The following CDK5RAP2 variants were observed in gnomAD, a reference collection of about 807,000 sequenced individuals.
CDK5RAP2 encodes CDK5 regulatory subunit-associated protein 2.
Under a neutral mutation model 232.9 loss-of-function variants are expected in CDK5RAP2, and 147 were observed. The ratio of observed to expected loss-of-function variants is 0.63; its 90% CI spans 0.55 to 0.72. The LOEUF (loss-of-function observed/expected upper bound fraction) is 0.72, where lower values mean the gene tolerates loss of function less well. Among genes scored for constraint, CDK5RAP2 ranks in the 30% least tolerant of loss-of-function variants. The pLI is 0.00. For synonymous variants in CDK5RAP2, 833 were observed against 833.7 expected (o/e 1.00, Z 0.01); for missense variants, 2,195 against 2,231.5 (o/e 0.98, Z 0.33).
chr9:120,396,017 T>C (rs904222718), intron 35 of CDK5RAP2, among the ~76,000 whole-genome samples: 15 of 152,206 alleles, frequency 9.9e-5, no homozygotes, highest in African/African-American at 3.6e-4. Context: ...AAAGAAGATG[T>C]GAAACTCCAA....
chr9:120,521,374 C>T (rs2040644643), intron 11 of CDK5RAP2, among the ~76,000 whole-genome samples: 1 of 152,184 alleles, frequency 6.6e-6, no homozygotes, highest in Non-Finnish European at 1.5e-5. Flanking sequence ...ACCCCAATCT[C>T]ATCCTGAATT....
At chr9:120,473,344 G>A (rs763212500) in intron 15 of CDK5RAP2, among the ~76,000 whole-genome samples, 19 of 152,260 alleles carry the variant, frequency 1.2e-4, no homozygotes, top group African/African-American at 4.6e-4. Context: ...TGCAAAAAAT[G>A]AATGAATTTG....
intron 23 of CDK5RAP2, among the ~76,000 whole-genome samples, chr9:120,440,663 G>A (rs907004176): frequency 3.9e-5 from 6 of 152,170 alleles, no homozygotes; most frequent in Admixed American, 1.3e-4. Context: ...ATAGCAATTC[G>A]TCATCTGAAT....
At chr9:120,513,227 G>A (rs1263909247) in intron 12 of CDK5RAP2, among the ~76,000 whole-genome samples, 1 of 152,144 alleles carries the variant, frequency 6.6e-6, no homozygotes, top group African/African-American at 2.4e-5. Flanking sequence ...TACATGTTAA[G>A]GAAAAGCCTT....
chr9:120,416,103 G>A (rs1056011509), intron 27 of CDK5RAP2, among the ~76,000 whole-genome samples: 1 of 152,024 alleles, frequency 6.6e-6, no homozygotes, highest in Non-Finnish European at 1.5e-5. Context: ...CACATGTGAG[G>A]GTTTTTTCCC....
intron 12 of CDK5RAP2, among the ~76,000 whole-genome samples, chr9:120,496,916 A>G (rs1343639050): frequency 7.1e-6 from 1 of 141,030 alleles, no homozygotes; most frequent in Non-Finnish European, 1.5e-5. Context: ...GGTGTGCCCA[A>G]CAGCTCATTG....
intron 14 of CDK5RAP2, among the ~76,000 whole-genome samples, chr9:120,486,923 T>C (rs1000756094): frequency 5.3e-5 from 8 of 152,062 alleles, no homozygotes; most frequent in Admixed American, 2.0e-4. Flanking sequence ...GAAAATGAGA[T>C]TGGAAACTTG....
Position 120,453,646 on chromosome 9 carries a change from A to C in CDK5RAP2, c.2603T>G (p.Leu868Arg). The change falls in exon 21 of 38, where the codon CTG (leucine) becomes CGG (arginine). Residue 868 changes from leucine to arginine, a missense_variant. Leu to Arg is a moderately radical substitution (Grantham distance 102). Coordinates refer to ENST00000349780, the MANE Select transcript of CDK5RAP2 (RefSeq NM_018249.6). ...CACAGTCTGCACTGAGGCATCTTTC[A>C]GTCCTACCTTGGGCACTTCGCCTGC... ...VKAGEVPKVG[L>R]KDASVQTVAT... The C allele has an allele frequency of 6.8e-6, 11 of 1,614,200 alleles. No homozygotes were observed. Among genetic ancestry groups the C allele is most frequent in the Non-Finnish European group, 9.3e-6 (11 of 1,180,044 alleles).
intron 35 of CDK5RAP2, among the ~76,000 whole-genome samples, chr9:120,396,122 G>T (rs964579094): frequency 6.6e-6 from 1 of 152,228 alleles, no homozygotes. Flanking sequence ...AAACTAAAAT[G>T]TTTAAGGTAC....
At chr9:120,489,708 G>GA (rs1294019124) in intron 13 of CDK5RAP2, among the ~76,000 whole-genome samples, 1 of 151,898 alleles carries the variant, frequency 6.6e-6, no homozygotes, top group Non-Finnish European at 1.5e-5. Context: ...TTATAGCCCT[G>GA]AAATGTTTGG....
chr9:120,450,477 T>C (rs1254852114), intron 21 of CDK5RAP2, among the ~76,000 whole-genome samples: 1 of 152,204 alleles, frequency 6.6e-6, no homozygotes, highest in East Asian at 1.9e-4. Context: ...CACTGAATTG[T>C]ATACCTTAAA....
intron 18 of CDK5RAP2, among the ~76,000 whole-genome samples, chr9:120,467,368 G>A (rs924222471): frequency 2.6e-5 from 4 of 152,166 alleles, no homozygotes; most frequent in African/African-American, 9.7e-5. Context: ...GGCTGGACCA[G>A]AGTCAAAGCA....
rs2039298171 is a variant in CDK5RAP2, at chr9:120,496,828, A to C, written c.1312-5351T>G. Among the ~76,000 whole-genome samples the C allele has an allele frequency of 2.2e-5, 3 of 137,972 alleles. No homozygotes were observed. In the South Asian group the frequency reaches 6.7e-4, roughly 31 times the overall value. The allele number at this position is 137,972 out of a possible 152,430, so 90.5% of individuals were successfully genotyped here. The stretch of plus-strand genomic sequence containing the variant: ...TGCCCGGCCAGCCGCCCCGTCCGGG[A>C]GGTGAGGGGCGCCTCTGCCCGGCCG... On this transcript the variant is annotated intron_variant, in intron 12 of 37. Transcript: ENST00000349780.
At chr9:120,484,311 CGGGGGTACGACTGTAA>C (rs2038478667) in intron 14 of CDK5RAP2, among the ~76,000 whole-genome samples, 1 of 152,120 alleles carries the variant, frequency 6.6e-6, no homozygotes, top group Non-Finnish European at 1.5e-5. Context: ...CCGGGGGAGT[CGGGGGTACGACTGTAA>C]GGCTGCAACA....
intron 12 of CDK5RAP2, among the ~76,000 whole-genome samples, chr9:120,497,421 T>TAAAAAAAAAAAAAAAAAAA (rs71385064): frequency 4.3e-4 from 10 of 23,296 alleles, no homozygotes; most frequent in East Asian, 6.3e-3. Context: ...AAAATAAATT[T>TAAAAAAAAAAAAAAAAAAA]AAAAAAAAAA....
At chr9:120,547,270 G>A (rs533621561) in intron 4 of CDK5RAP2, among the ~76,000 whole-genome samples, 25 of 152,166 alleles carry the variant, frequency 1.6e-4, no homozygotes, top group Non-Finnish European at 3.1e-4. Context: ...GATTACAGGC[G>A]TGAGCCACCG....
chr9:120,544,008 G>GT (rs1216811137), intron 5 of CDK5RAP2, among the ~76,000 whole-genome samples: 1 of 152,100 alleles, frequency 6.6e-6, no homozygotes, highest in Non-Finnish European at 1.5e-5. Flanking sequence ...TCATACATCT[G>GT]TTTGCATCAC....
intron 34 of CDK5RAP2, among the ~76,000 whole-genome samples, chr9:120,401,475 G>A (rs1332842114): frequency 6.6e-6 from 1 of 151,878 alleles, no homozygotes; most frequent in Non-Finnish European, 1.5e-5. Flanking sequence ...AGCTAGGTGT[G>A]GCAGTGCACA....
chr9:120,397,424 A>G (rs1270925594), intron 35 of CDK5RAP2, among the ~76,000 whole-genome samples: 1 of 151,060 alleles, frequency 6.6e-6, no homozygotes, highest in Non-Finnish European at 1.5e-5. Flanking sequence ...TAAAGACAGC[A>G]TCTTACTATG....
Sources: allele counts gnomAD v4.1 joint callset (sites outside exome capture counted in the v4.1 genomes callset), GRCh38; gene constraint gnomAD v4.1.1; transcripts MANE v1.5; gene names NCBI Gene and HGNC (gene_info 2026-07-23, HGNC 2026-07-21).